RAB6A: variants seen among roughly 807,000 people sequenced by gnomAD.
RAB6A encodes RAB6A, member RAS oncogene family.
RAB6A carries 8 observed loss-of-function variants against 32.3 expected under a neutral mutation model. The ratio of observed to expected loss-of-function variants is 0.25; its 90% CI spans 0.15 to 0.45. RAB6A has a LOEUF of 0.45. RAB6A is among the 20% of genes least tolerant of loss of function. The pLI is 1.00. For synonymous variants in RAB6A, 73 were observed against 82.1 expected (o/e 0.89, Z 0.60); for missense variants, 104 against 249.4 (o/e 0.42, Z 3.93).
chr11:73,722,339 ATATATTTTTTTTT>A (rs1274235675), intron 2 of RAB6A: 11 of 10,672 alleles, frequency 1.0e-3, no homozygotes, highest in African/African-American at 2.1e-3. Context: ...ATATATATAT[ATATATTTTTTTTT>A]TTTTTTTTTT....
intron 6 of RAB6A, among the ~76,000 whole-genome samples, chr11:73,706,528 AT>A (rs1226634300): frequency 6.9e-6 from 1 of 145,532 alleles, no homozygotes; most frequent in Non-Finnish European, 1.5e-5. Flanking sequence ...AAAAAAAAAA[AT>A]TATTGGTCCA....
chr11:73,687,995 T>C (rs747028272), intron 6 of RAB6A, among the ~76,000 whole-genome samples: 5 of 152,338 alleles, frequency 3.3e-5, no homozygotes, highest in Non-Finnish European at 7.3e-5. Context: ...TCTTTCTTAG[T>C]GTATCATATC....
intron 1 of RAB6A, among the ~76,000 whole-genome samples, chr11:73,744,900 G>A (rs907123330): frequency 1.8e-4 from 27 of 151,428 alleles, no homozygotes; most frequent in South Asian, 4.2e-4. Flanking sequence ...GCTTGAACCC[G>A]GGAAGTGGAG....
intron 1 of RAB6A, among the ~76,000 whole-genome samples, chr11:73,750,481 G>A (rs549334957): frequency 6.6e-6 from 1 of 152,056 alleles, no homozygotes; most frequent in African/African-American, 2.4e-5. Flanking sequence ...TCAGTCTCCA[G>A]GGCAGCTGGG....
chr11:73,743,756 A>G (rs1320937206), intron 1 of RAB6A, among the ~76,000 whole-genome samples: 3 of 152,186 alleles, frequency 2.0e-5, no homozygotes, highest in Non-Finnish European at 2.9e-5. Context: ...TATGTACTTT[A>G]GAGGCTCTGA....
At chr11:73,707,586 G>T in intron 5 of RAB6A, 73 bp from the exon 6 acceptor site, 2 of 1,155,412 alleles carry the variant, frequency 1.7e-6, no homozygotes, top group Non-Finnish European at 2.5e-6. Context: ...AGAAAGCTCT[G>T]AAAATAACTT....
At chr11:73,691,512 A>T (rs953550942) in intron 6 of RAB6A, among the ~76,000 whole-genome samples, 2 of 152,218 alleles carry the variant, frequency 1.3e-5, no homozygotes, top group African/African-American at 4.8e-5. Context: ...TGATTGTAAT[A>T]GCCTATTTTT....
chr11:73,739,284 A>T (rs10678201), intron 1 of RAB6A, among the ~76,000 whole-genome samples: 2,364 of 6,730 alleles, frequency 0.35, 529 homozygotes, highest in Non-Finnish European at 0.44. Context: ...AAAAAAAAAA[A>T]ATATATATAT....
intron 6 of RAB6A, among the ~76,000 whole-genome samples, chr11:73,688,322 T>C (rs958947282): frequency 1.3e-5 from 2 of 152,218 alleles, no homozygotes; most frequent in Admixed American, 6.5e-5. Context: ...GCTGGGTCAG[T>C]AGGGCTGTGC....
intron 6 of RAB6A, among the ~76,000 whole-genome samples, chr11:73,689,696 C>G (rs1397862692): frequency 6.6e-6 from 1 of 152,134 alleles, no homozygotes; most frequent in Non-Finnish European, 1.5e-5. Flanking sequence ...GGTTGTCCTA[C>G]CTTTCCAGAC....
chr11:73,739,394 A>G (rs1259227563), intron 1 of RAB6A, among the ~76,000 whole-genome samples: 2 of 145,740 alleles, frequency 1.4e-5, no homozygotes, highest in Admixed American at 1.4e-4. Context: ...TTGGTCTCGA[A>G]CTCCTGGGCT....
intron 6 of RAB6A, among the ~76,000 whole-genome samples, chr11:73,697,988 G>A (rs1273762973): frequency 3.3e-5 from 5 of 152,214 alleles, no homozygotes; most frequent in African/African-American, 1.2e-4. Context: ...GGGAGGCCAA[G>A]GTGGGCAGAT....
intron 6 of RAB6A, among the ~76,000 whole-genome samples, 197 bp downstream of exon 6, chr11:73,707,223 T>C (rs1186844517): frequency 6.6e-6 from 1 of 152,148 alleles, no homozygotes; most frequent in Non-Finnish European, 1.5e-5. Context: ...AGTAGTTCTA[T>C]CCACGATCTG....
chr11:73,759,402 A>G (rs888421809), intron 1 of RAB6A, among the ~76,000 whole-genome samples: 2 of 152,182 alleles, frequency 1.3e-5, no homozygotes, highest in African/African-American at 4.8e-5. Context: ...ATCTAATACA[A>G]AAGTACAGTG....
At chr11:73,725,213 T>A (rs1359082711) in intron 2 of RAB6A, among the ~76,000 whole-genome samples, 1 of 151,828 alleles carries the variant, frequency 6.6e-6, no homozygotes, top group Non-Finnish European at 1.5e-5. Context: ...CAAAGAAGAG[T>A]GGTAAAAGTG....
chr11:73,699,000 C>T (rs1480508768), intron 6 of RAB6A, among the ~76,000 whole-genome samples: 1 of 151,834 alleles, frequency 6.6e-6, no homozygotes, highest in East Asian at 1.9e-4. Context: ...TACAGGCGCC[C>T]GCCACCACAC....
chr11:73,710,368 T>C (rs571495188), intron 5 of RAB6A, among the ~76,000 whole-genome samples: 1 of 152,258 alleles, frequency 6.6e-6, no homozygotes, highest in South Asian at 2.1e-4. Context: ...AAAGTATTCA[T>C]TTATTTTATG....
intron 6 of RAB6A, chr11:73,704,322 G>A (rs550551111): frequency 2.0e-4 from 54 of 269,556 alleles, no homozygotes; most frequent in Middle Eastern, 1.5e-3. Flanking sequence ...GGTCAAGGCT[G>A]CAATGAGCTG....
intron 5 of RAB6A, among the ~76,000 whole-genome samples, chr11:73,711,003 G>T (rs558897059): frequency 6.6e-6 from 1 of 152,206 alleles, no homozygotes; most frequent in South Asian, 2.1e-4. Flanking sequence ...GGCCACTCAT[G>T]GGCCCACTAA....
Sources: allele counts gnomAD v4.1 joint callset (sites outside exome capture counted in the v4.1 genomes callset), GRCh38; gene constraint gnomAD v4.1.1; transcripts MANE v1.5; gene names NCBI Gene and HGNC (gene_info 2026-07-23, HGNC 2026-07-21).